The following MYO1F variants were observed in gnomAD, a reference collection of about 807,000 sequenced individuals.
MYO1F encodes the protein myosin IF.
A neutral mutation model predicts 146.6 loss-of-function variants in MYO1F; 60 were observed. The observed-to-expected ratio is 0.41, with a 90% CI of 0.33 to 0.51. The LOEUF (loss-of-function observed/expected upper bound fraction) is 0.51, where lower values mean the gene tolerates loss of function less well. MYO1F is among the 20% of genes least tolerant of loss of function. The pLI is 0.25. For missense variants in MYO1F, 1,274 were observed against 1,534.3 expected (o/e 0.83, Z 2.83); for synonymous variants, 602 against 602.1 (o/e 1.00, Z 0.00).
At chr19:8,565,991 C>G (rs1354559321) in intron 1 of MYO1F, among the ~76,000 whole-genome samples, 1 of 151,852 alleles carries the variant, frequency 6.6e-6, no homozygotes, top group African/African-American at 2.4e-5. Flanking sequence ...CGCCTGTAGT[C>G]CCAGCCACTC....
Position 8,527,444 on chromosome 19 carries a change from A to G in MYO1F, c.2368T>C (p.Tyr790His), listed in dbSNP as rs1365637351. ...RDLILTPKCV[Y>H]VIGREKVKKG... is the part of the protein sequence containing the mutation. ...TTCACTTTCTCTCGCCCAATCACAT[A>G]CACACACTTGGGCGTCAGGATCAAG... Residue 790 changes from tyrosine to histidine, a missense_variant, in exon 22 of 28, where the codon TAT becomes CAT. Physicochemically the swap from Tyr to His is moderately conservative, Grantham distance 83. This residue lies in a region of MYO1F where 900 missense variants were observed against 1,155.1 expected (regional missense o/e 0.78). Coordinates refer to ENST00000644032, the MANE Select transcript of MYO1F (RefSeq NM_012335.4). 3 of 1,614,006 alleles carry G rather than the reference A, an allele frequency of 1.9e-6. No individual in the cohort carries two copies. Among genetic ancestry groups the G allele is most frequent in the Non-Finnish European group, 2.5e-6 (3 of 1,179,994 alleles).
At chr19:8,553,004 C>G in intron 6 of MYO1F, 135 bp downstream of exon 6, 1 of 846,582 alleles carries the variant, frequency 1.2e-6, no homozygotes, top group Non-Finnish European at 2.0e-6. Context: ...GTCTCCCCTT[C>G]AGGAGTAGGT....
At chr19:8,544,234 T>C in intron 14 of MYO1F, 63 bp downstream of exon 14, 1 of 1,577,990 alleles carries the variant, frequency 6.3e-7, no homozygotes, top group Non-Finnish European at 8.7e-7. Context: ...GGGTGGGGGC[T>C]ACAGCCTGGA....
In MYO1F at chr19:8,536,327, C is replaced by A; in HGVS notation, c.1968G>T (p.Leu656=). 1 of 1,608,176 alleles carries A rather than the reference C, an allele frequency of 6.2e-7. No homozygotes were observed. ...RGDERQGVQH[L]LRAVNMEPDQ... is the part of the protein sequence containing the mutation. Reference sequence around the variant, plus strand: ...CGGGCTCCATGTTGACCGCCCGAAGCAGGTGCTGGACGCCCTGGCGTTCGT... The same window carrying A: ...CGGGCTCCATGTTGACCGCCCGAAGAAGGTGCTGGACGCCCTGGCGTTCGT... Residue 656 remains leucine, a synonymous_variant, in exon 19 of 28, where the codon CTG becomes CTT. Transcript: ENST00000644032.
At chr19:8,557,274 C>CA (rs1028712389) in intron 1 of MYO1F, among the ~76,000 whole-genome samples, 12 of 149,148 alleles carry the variant, frequency 8.0e-5, no homozygotes, top group Admixed American at 2.6e-4. Flanking sequence ...GACTCTGTCT[C>CA]AAAAAAAACA....
At chr19:8,553,894 A>ACACACACACACACACACACACTCTCTCT in intron 4 of MYO1F, among the ~76,000 whole-genome samples, 105 of 102,620 alleles carry the variant, frequency 1.0e-3, no homozygotes, top group Middle Eastern at 9.3e-3. Flanking sequence ...ACACACACAC[A>ACACACACACACACACACACACTCTCTCT]CTCTCTCTCT....
chr19:8,543,981 GTGCTGGTGGTGGTGC>G (rs1330133635), intron 14 of MYO1F: 1 of 378,920 alleles, frequency 2.6e-6, no homozygotes, highest in African/African-American at 2.8e-5. Flanking sequence ...GCTGGTGCTG[GTGCTGGTGGTGGTGC>G]TGGTGGTGGC....
intron 12 of MYO1F, chr19:8,547,752 T>C: frequency 2.2e-6 from 1 of 447,712 alleles, no homozygotes; most frequent in East Asian, 4.6e-5. Flanking sequence ...CAGGGACTAT[T>C]GCCTTATTGT....
chr19:8,546,733 C>T (rs560215723), intron 12 of MYO1F, among the ~76,000 whole-genome samples: 1 of 152,160 alleles, frequency 6.6e-6, no homozygotes, highest in South Asian at 2.1e-4. Flanking sequence ...GGCTGGAGTG[C>T]AATGGCACAA....
rs11671997 is a variant in MYO1F, at chr19:8,568,646, G to A, written c.3+8661C>T. On this transcript the variant is annotated intron_variant, in intron 1 of 27. Transcript: ENST00000644032. ...CCTCTTTGCAAGTGGATTTGGCCGC[G>A]CATGGTGGCTCACGCCTGTAATCCC... Among the ~76,000 whole-genome samples the A allele has an allele frequency of 7.9e-5, 12 of 151,852 alleles. 1 individual carries two copies. The highest frequency in any genetic ancestry group is 4.6e-4 in the Admixed American group (7 of 15,214).
At chr19:8,538,547 G>T (rs1201465078) in intron 16 of MYO1F, among the ~76,000 whole-genome samples, 1 of 151,072 alleles carries the variant, frequency 6.6e-6, no homozygotes, top group Non-Finnish European at 1.5e-5. Context: ...CTCTGAAAGT[G>T]CTGGGATTAC....
Position 8,526,570 on chromosome 19 carries a change from C to G in MYO1F, c.2653G>C (p.Gly885Arg), listed in dbSNP as rs766015470. The change falls in exon 24 of 28, where the codon GGC becomes CGC. Residue 885 changes from glycine to arginine, a missense_variant. Gly to Arg is a moderately radical substitution (Grantham distance 125). Around this residue, in one of 2 missense-constraint regions of MYO1F, gnomAD observed 374 missense variants for 379.2 expected, o/e 0.99. Coordinates refer to ENST00000644032, the MANE Select transcript of MYO1F (RefSeq NM_012335.4). Reference sequence around the variant, plus strand: ...GTGACGCTGCGGGTGCCGCCACCGCCCCAGCCCTCCTTCTTCACCCGAAAC... The same window carrying G: ...GTGACGCTGCGGGTGCCGCCACCGCGCCAGCCCTCCTTCTTCACCCGAAAC... ...LQFRVKKEGW[G>R]GGGTRSVTFS... 1.3e-6 allele frequency: 2 copies of G among 1,598,082 alleles called. No individual in the cohort carries two copies. The highest frequency in any genetic ancestry group is 1.7e-6 in the Non-Finnish European group (2 of 1,174,580).
intron 15 of MYO1F, among the ~76,000 whole-genome samples, chr19:8,541,403 T>TTGTGTGTG (rs200079933): frequency 1.5e-5 from 2 of 130,514 alleles, no homozygotes; most frequent in Non-Finnish European, 3.1e-5. Context: ...GCTATGTTCT[T>TTGTGTGTG]TGTGTGTGTG....
chr19:8,526,444 C>G lies in MYO1F; in HGVS notation c.2770+9G>C. 1.3e-6 allele frequency: 2 copies of G among 1,553,276 alleles called. No homozygotes were observed. The highest frequency in any genetic ancestry group is 1.7e-6 in the Non-Finnish European group (2 of 1,148,374). On this transcript the variant is annotated intron_variant, in intron 24 of 27. Transcript: ENST00000644032. ...CCGCCCCCTCTGCCCTAGTTCCGCG[C>G]AGACTCACTGGAGCTCTTGGGCAGC...
chr19:8,548,354 C>T (rs369110462), intron 10 of MYO1F, 37 bp from the exon 11 acceptor site: 82 of 1,599,756 alleles, frequency 5.1e-5, no homozygotes, highest in African/African-American at 6.7e-5. Context: ...CAGTGGGCAT[C>T]GGTCAGATCT....
intron 1 of MYO1F, among the ~76,000 whole-genome samples, chr19:8,570,064 G>C (rs894380217): frequency 6.6e-6 from 1 of 151,134 alleles, no homozygotes; most frequent in African/African-American, 2.4e-5. Context: ...ATACTACCAC[G>C]CCTGGCTAAT....
intron 19 of MYO1F, among the ~76,000 whole-genome samples, chr19:8,535,828 C>T (rs1227437562): frequency 5.9e-5 from 9 of 152,060 alleles, no homozygotes; most frequent in Admixed American, 3.9e-4. Context: ...CACAGGTGCC[C>T]GCCACCATGC....
chr19:8,542,177 C>A (rs1323421102), intron 14 of MYO1F, among the ~76,000 whole-genome samples, 186 bp from the exon 15 acceptor site: 2 of 150,616 alleles, frequency 1.3e-5, no homozygotes, highest in African/African-American at 4.9e-5. Flanking sequence ...GGGGGGCGGG[C>A]TTCCTGGAGA....
rs782479857 is a variant in MYO1F, at chr19:8,577,355, G to A, written c.-46C>T. ...GCTCCTGGAGGCTCCTGAATGGGTC[G>A]TGATGGAGGTGCAGGTTCAGGGGGA... On this transcript the variant is annotated 5_prime_UTR_variant, in exon 1 of 28. The change creates a new upstream start codon in the 5' untranslated region. Transcript: ENST00000644032. This position sits in a 1 kb window ranked among gnomAD's most constrained non-coding sequence, Gnocchi z 4.3. 2.5e-6 allele frequency: 4 copies of A among 1,612,560 alleles called. No individual in the cohort carries two copies. The highest frequency in any genetic ancestry group is 2.5e-6 in the Non-Finnish European group (3 of 1,178,866).
Sources: gnomAD v4.1 joint callset for allele counts (sites outside exome capture counted in the v4.1 genomes callset) on GRCh38, gnomAD v4.1.1 for gene constraint, gnomAD v4.1.1 regional missense constraint, Gnocchi (gnomAD v3.1) non-coding constraint, MANE v1.5 for transcripts, NCBI Gene and HGNC (gene_info 2026-07-23, HGNC 2026-07-21) for gene names.